ARID5B: variants seen among roughly 807,000 people sequenced by gnomAD.
ARID5B encodes AT-rich interactive domain-containing protein 5B.
ARID5B carries 13 observed loss-of-function variants against 97.2 expected under a neutral mutation model. The ratio of observed to expected loss-of-function variants is 0.13; its 90% CI spans 0.09 to 0.21. ARID5B has a LOEUF of 0.21. Ranked by LOEUF, ARID5B falls within the 10% of genes least tolerant of loss-of-function variation. The pLI, the probability that ARID5B is intolerant of heterozygous loss-of-function variation, is 1.00. For missense variants in ARID5B, 1,210 were observed against 1,465.3 expected, an observed-to-expected ratio of 0.83 and a Z score of 2.84; for synonymous variants, 556 against 570.3, an observed-to-expected ratio of 0.97 and a Z score of 0.36.
intron 3 of ARID5B, among the ~76,000 whole-genome samples, chr10:61,955,190 G>T (rs1242827057): frequency 6.6e-6 from 1 of 152,108 alleles, no homozygotes; most frequent in African/African-American, 2.4e-5. Context: ...GTTCAGTGTG[G>T]GGTACATAGG....
chr10:61,931,826 TAATC>T (rs1169272042), intron 2 of ARID5B, among the ~76,000 whole-genome samples: 5 of 152,212 alleles, frequency 3.3e-5, no homozygotes, highest in African/African-American at 1.2e-4. Flanking sequence ...TAATTATTAA[TAATC>T]AATTAATTAA....
At chr10:61,995,727 C>G (rs1173282280) in intron 3 of ARID5B, among the ~76,000 whole-genome samples, 1 of 152,160 alleles carries the variant, frequency 6.6e-6, no homozygotes, top group African/African-American at 2.4e-5. Context: ...AAACTTCAAC[C>G]TAGCTTCAAC....
At chr10:61,957,001 G>A (rs1230108597) in intron 3 of ARID5B, among the ~76,000 whole-genome samples, 1 of 152,032 alleles carries the variant, frequency 6.6e-6, no homozygotes, top group African/African-American at 2.4e-5. Context: ...CCGCTTCCAG[G>A]CTCAAGTGAT....
chr10:62,088,983 C>T (rs1360135761), intron 9 of ARID5B, among the ~76,000 whole-genome samples: 1 of 152,148 alleles, frequency 6.6e-6, no homozygotes, highest in Non-Finnish European at 1.5e-5. Context: ...TCAAAGACTT[C>T]CTAAACCTGT....
intron 4 of ARID5B, among the ~76,000 whole-genome samples, chr10:62,015,686 C>A (rs911873579): frequency 6.6e-6 from 1 of 151,998 alleles, no homozygotes; most frequent in Non-Finnish European, 1.5e-5. Flanking sequence ...TGCAGTGGCG[C>A]GATCTTGGCT....
intron 7 of ARID5B, among the ~76,000 whole-genome samples, chr10:62,062,956 C>T (rs1359344255): frequency 6.6e-6 from 1 of 152,072 alleles, no homozygotes; most frequent in African/African-American, 2.4e-5. Flanking sequence ...CCCTCTGTAG[C>T]GTTGCTGAAA....
chr10:62,024,759 G>A (rs1431845084), intron 4 of ARID5B: 4 of 394,100 alleles, frequency 1.0e-5, no homozygotes, highest in Non-Finnish European at 1.8e-5. Flanking sequence ...AAGTTTTCAC[G>A]GGTAGATATT....
chr10:62,019,338 C>A (rs1839324482), intron 4 of ARID5B, among the ~76,000 whole-genome samples: 1 of 152,184 alleles, frequency 6.6e-6, no homozygotes, highest in Non-Finnish European at 1.5e-5. Flanking sequence ...TTGGTGCCTG[C>A]ATAATTTACG....
chr10:61,946,229 G>A lies in ARID5B; in HGVS notation c.502+5821G>A, dbSNP rs117973379. On this transcript the variant is annotated intron_variant, in intron 3 of 9. Coordinates refer to ENST00000279873, the MANE Select transcript of ARID5B (RefSeq NM_032199.3). ...TTGGAGATTCTGGAGGCCTCGTATT[G>A]CAAATGGTTGTTTCAGATCACTTTT... 5.3e-3 allele frequency among the ~76,000 whole-genome samples: 800 copies of A among 152,070 alleles called. 4 individuals are homozygous for A. The highest frequency in any genetic ancestry group is 9.1e-3 in the Non-Finnish European group (618 of 67,982).
intron 8 of ARID5B, among the ~76,000 whole-genome samples, chr10:62,071,836 A>G (rs998532621): frequency 6.6e-6 from 1 of 152,206 alleles, no homozygotes; most frequent in African/African-American, 2.4e-5. Flanking sequence ...TGGATATTCC[A>G]TAAAGGTTTG....
Position 62,000,711 on chromosome 10 carries a change from A to G in ARID5B, c.733+390A>G, listed in dbSNP as rs1826448998. On this transcript the variant is annotated intron_variant, in intron 4 of 9. Transcript: ENST00000279873. This position sits in a 1 kb window ranked among gnomAD's most constrained non-coding sequence, Gnocchi z 4.4. ...GTATTGTAAAAATGCACCAATGGTAACCACTTCAGTAGTAAACAGTGAATA... is the reference window on the plus strand; with the variant it reads ...GTATTGTAAAAATGCACCAATGGTAGCCACTTCAGTAGTAAACAGTGAATA... 6.6e-6 allele frequency among the ~76,000 whole-genome samples: 1 copy of G among 152,158 alleles called. No individual in the cohort carries two copies. The highest frequency in any genetic ancestry group is 2.1e-4 in the South Asian group (1 of 4,818).
chr10:62,076,472 G>C (rs1000262324), intron 8 of ARID5B, among the ~76,000 whole-genome samples: 21 of 147,930 alleles, frequency 1.4e-4, no homozygotes, highest in African/African-American at 5.2e-4. Flanking sequence ...ATGAATCACG[G>C]GATGGCTGAA....
intron 4 of ARID5B, among the ~76,000 whole-genome samples, chr10:62,014,724 G>A (rs969259743): frequency 3.3e-5 from 5 of 152,030 alleles, no homozygotes; most frequent in South Asian, 2.1e-4. Context: ...CACTTTTTTG[G>A]ATCTCAGGTC....
intron 3 of ARID5B, among the ~76,000 whole-genome samples, chr10:61,950,336 G>C (rs1019913024): frequency 1.3e-5 from 2 of 152,110 alleles, no homozygotes; most frequent in Non-Finnish European, 2.9e-5. Flanking sequence ...AATATCTTTT[G>C]AGAATGCAAC....
rs750749732 is a variant in ARID5B, at chr10:62,085,893, C to T, written c.1391C>T (p.Ala464Val). ...GAAAATGCCCCAAAGCCCCAGGATG[C>T]AGCAGAGGTGAGTTGCTTTGCTCCA... is the stretch of plus-strand genomic sequence containing the variant. ...EKENAPKPQD[A>V]AEVSSEQEKE... Residue 464 changes from alanine to valine, a missense_variant, in exon 9 of 10, where the codon GCA (alanine) becomes GTA (valine). Ala to Val is a moderately conservative substitution (Grantham distance 64). This residue lies in a region of ARID5B where 800 missense variants were observed against 839.1 expected (regional missense o/e 0.95). Coordinates refer to ENST00000279873, the MANE Select transcript of ARID5B (RefSeq NM_032199.3). 78 of 1,611,132 alleles carry T rather than the reference C, an allele frequency of 4.8e-5. No homozygotes were observed. The Admixed American group carries it at 1.3e-3, about 27-fold the overall frequency.
rs993434182 is a variant in ARID5B at position 61,994,332 on chromosome 10, C to T, written c.503-5759C>T. ...AGTAAGCATAATAGTGTGATGTTTCCGAAACAAGCCTCCCCTCACCCCAAG... is the reference window on the plus strand; with the variant it reads ...AGTAAGCATAATAGTGTGATGTTTCTGAAACAAGCCTCCCCTCACCCCAAG... On this transcript the variant is annotated intron_variant, in intron 3 of 9. Transcript: ENST00000279873. Among the ~76,000 whole-genome samples the T allele has an allele frequency of 5.3e-5, 8 of 151,842 alleles. No individual in the cohort carries two copies. In the South Asian group the frequency reaches 6.3e-4, roughly 12 times the overall value.
chr10:62,022,953 T>C (rs1359538844), intron 4 of ARID5B, among the ~76,000 whole-genome samples: 1 of 152,230 alleles, frequency 6.6e-6, no homozygotes, highest in African/African-American at 2.4e-5. Context: ...TCCCATCTGT[T>C]TTCTTACGAG....
intron 2 of ARID5B, among the ~76,000 whole-genome samples, chr10:61,910,021 C>A (rs1843775672): frequency 6.6e-6 from 1 of 152,166 alleles, no homozygotes; most frequent in South Asian, 2.1e-4. Flanking sequence ...TCACTCCTCG[C>A]CTGGTGTTGG....
intron 3 of ARID5B, among the ~76,000 whole-genome samples, chr10:61,947,261 CTTTTTTTTTT>C (rs199587188): frequency 8.0e-6 from 1 of 124,310 alleles, no homozygotes; most frequent in African/African-American, 3.0e-5. Context: ...CACTTACTTT[CTTTTTTTTTT>C]TTTTTTTTTT....
Sources: gnomAD v4.1 joint callset for allele counts (sites outside exome capture counted in the v4.1 genomes callset) on GRCh38, gnomAD v4.1.1 for gene constraint, gnomAD v4.1.1 regional missense constraint, Gnocchi (gnomAD v3.1) non-coding constraint, MANE v1.5 for transcripts, NCBI Gene and HGNC (gene_info 2026-07-23, HGNC 2026-07-21) for gene names.